IRX5: variants seen among roughly 807,000 people sequenced by gnomAD.
IRX5 encodes iroquois-class homeodomain protein IRX-5.
A neutral mutation model predicts 37.6 loss-of-function variants in IRX5; 8 were observed. The observed-to-expected ratio is 0.21, with a 90% CI of 0.12 to 0.38. The LOEUF is 0.38. Ranked by LOEUF, IRX5 falls within the 10% of genes least tolerant of loss-of-function variation. IRX5 has a pLI of 1.00. For synonymous variants in IRX5, 359 were observed against 328.6 expected (o/e 1.09, Z -1.00); for missense variants, 635 against 695.2 (o/e 0.91, Z 0.97).
At chr16:54,931,821 G>A (rs1204734177) in intron 1 of IRX5, among the ~76,000 whole-genome samples, 1 of 152,220 alleles carries the variant, frequency 6.6e-6, no homozygotes, top group African/African-American at 2.4e-5. Flanking sequence ...GAGCAGAAGC[G>A]TGCTAAGTCT....
Position 54,932,356 on chromosome 16 carries a change from G to A in IRX5, c.250-142G>A. 1 of 971,168 alleles carries A rather than the reference G, an allele frequency of 1.0e-6. No homozygotes were observed. The highest frequency in any genetic ancestry group is 2.8e-5 in the Admixed American group (1 of 35,658). 60.2% of individuals were successfully genotyped at this position (971,168 alleles called of 1,614,324 possible). ...GGAGTTGCTCCTAGGTCTGAACCCC[G>A]CCAGCCTTGCCCCGTAGGAAGCTGG... On this transcript the variant is annotated intron_variant, in intron 1 of 2. Transcript: ENST00000394636. The surrounding 1 kb of genome is among the most constrained non-coding windows in gnomAD (Gnocchi z 6.7).
Position 54,934,024 on chromosome 16 carries a change from A to ACTACCCCTCCTATTCAG in IRX5, c.*151_*152insCTACCCCTCCTATTCAG. ...TAGTTTATGGAGATGGATGACATAA[A>ACTACCCCTCCTATTCAG]AATGTAAACATCTCCACACAAAAAA... On this transcript the variant is annotated 3_prime_UTR_variant, in exon 3 of 3. Transcript: ENST00000394636. The ACTACCCCTCCTATTCAG allele has an allele frequency of 4.3e-6, 3 of 697,636 alleles. No homozygotes were observed. The highest frequency in any genetic ancestry group is 6.3e-6 in the Non-Finnish European group (3 of 472,518). 43.2% of individuals were successfully genotyped at this position (697,636 alleles called of 1,614,324 possible).
At position 54,933,224 on chromosome 16, in the gene IRX5, C is replaced by G; in HGVS notation, c.803C>G (p.Pro268Arg). 5.4e-6 allele frequency: 8 copies of G among 1,493,322 alleles called. No individual in the cohort carries two copies. Among genetic ancestry groups the G allele is most frequent in the Non-Finnish European group, 7.1e-6 (8 of 1,128,994 alleles). The allele number at this position is 1,493,322 out of a possible 1,614,324, so 92.5% of individuals were successfully genotyped here. ...EGRLDALQGP[P>R]RTGGPSPAGP... is the part of the protein sequence containing the mutation. ...CGCCTCGACGCGCTGCAGGGCCCCCCCCGCACCGGCGGGCCCTCCCCGGCT... is the reference window on the plus strand; with the variant it reads ...CGCCTCGACGCGCTGCAGGGCCCCCGCCGCACCGGCGGGCCCTCCCCGGCT... The change falls in exon 3 of 3, where the codon CCC (proline) becomes CGC (arginine). Residue 268 changes from proline to arginine, a missense_variant. Coordinates refer to ENST00000394636, the MANE Select transcript of IRX5 (RefSeq NM_005853.6).
chr16:54,932,484 C>T lies in IRX5; in HGVS notation c.250-14C>T, dbSNP rs750934548. The T allele has an allele frequency of 1.6e-5, 26 of 1,595,518 alleles. No individual in the cohort carries two copies. Among genetic ancestry groups the T allele is most frequent in the South Asian group, 2.3e-5 (2 of 88,332 alleles). ...ACCACGGTCCACACTCACCTCTCTG[C>T]GTCTCCACCGCAGGGCTCTCCCTAC... is the stretch of plus-strand genomic sequence containing the variant. On this transcript the variant is annotated splice_polypyrimidine_tract_variant and intron_variant, in intron 1 of 2. Coordinates refer to ENST00000394636, the MANE Select transcript of IRX5 (RefSeq NM_005853.6). The surrounding 1 kb of genome is among the most constrained non-coding windows in gnomAD (Gnocchi z 6.7).
Position 54,933,523 on chromosome 16 carries a change from G to A in IRX5, c.1102G>A (p.Gly368Arg). The change falls in exon 3 of 3, where the codon GGG (glycine) becomes AGG (arginine). Residue 368 changes from glycine (G) to arginine (R), a missense_variant. Gly to Arg is a moderately radical substitution (Grantham distance 125). Around this residue, in one of 5 missense-constraint regions of IRX5, gnomAD observed 188 missense variants for 200.8 expected, o/e 0.94. Coordinates refer to ENST00000394636, the MANE Select transcript of IRX5 (RefSeq NM_005853.6). ...CCCACCGTGTCCCGGGCCCATAGCC[G>A]GGCAAGCCCTAGGAGGCAGCCGGGC... ...PCPPCPGPIA[G>R]QALGGSRASP... The A allele has an allele frequency of 6.2e-7, 1 of 1,609,310 alleles. No individual in the cohort carries two copies. The highest frequency in any genetic ancestry group is 8.5e-7 in the Non-Finnish European group (1 of 1,178,050).
Position 54,932,106 on chromosome 16 carries a change from G to A in IRX5, c.250-392G>A. 1.4e-6 allele frequency: 1 copy of A among 702,778 alleles called. No individual in the cohort carries two copies. Among genetic ancestry groups the A allele is most frequent in the South Asian group, 1.5e-5 (1 of 67,598 alleles). The allele number at this position is 702,778 out of a possible 1,614,324, so 43.5% of individuals were successfully genotyped here. A position where few individuals can be genotyped will look rare whatever the true frequency, so the allele number is the denominator to read the frequency against. ...GACTTCCCTTGTTTTCCCCCCTTGC[G>A]CCCAACGTGCGTCCGCTCCCCCGCC... On this transcript the variant is annotated intron_variant, in intron 1 of 2. Transcript: ENST00000394636. The surrounding 1 kb of genome is among the most constrained non-coding windows in gnomAD (Gnocchi z 6.7).
chr16:54,933,770 C>G lies in IRX5; in HGVS notation c.1349C>G (p.Ala450Gly). The G allele has an allele frequency of 1.2e-6, 2 of 1,614,150 alleles. No homozygotes were observed. Among genetic ancestry groups the G allele is most frequent in the East Asian group, 4.5e-5 (2 of 44,866 alleles). The stretch of plus-strand genomic sequence containing the variant: ...TTAAACCAGACCGTGTTGAACCGAG[C>G]GGACGCTTTGGCTAAAGACCCGAAA... Reference protein sequence around the residue: ...NGLNQTVLNRADALAKDPKML... With the variant: ...NGLNQTVLNRGDALAKDPKML... Residue 450 changes from alanine to glycine, a missense_variant, in exon 3 of 3, where the codon GCG becomes GGG. By Grantham distance (60) the Ala-to-Gly change is moderately conservative. Around this residue, in one of 5 missense-constraint regions of IRX5, gnomAD observed 188 missense variants for 200.8 expected, o/e 0.94. Transcript: ENST00000394636.
Position 54,932,969 on chromosome 16 carries a change from C to A in IRX5, c.655+66C>A. On this transcript the variant is annotated intron_variant, in intron 2 of 2. Coordinates refer to ENST00000394636, the MANE Select transcript of IRX5 (RefSeq NM_005853.6). The surrounding 1 kb of genome is among the most constrained non-coding windows in gnomAD (Gnocchi z 6.7). ...AAGGAAAAGAGAGGCCTGGAGGGGG[C>A]GCGCACGGGGCCTGGAGGTTGGGGG... The A allele has an allele frequency of 6.3e-7, 1 of 1,583,892 alleles. No individual in the cohort carries two copies. The highest frequency in any genetic ancestry group is 8.6e-7 in the Non-Finnish European group (1 of 1,168,126).
Position 54,934,013 on chromosome 16 carries a change from G to A in IRX5, c.*140G>A. On this transcript the variant is annotated 3_prime_UTR_variant, in exon 3 of 3. Coordinates refer to ENST00000394636, the MANE Select transcript of IRX5 (RefSeq NM_005853.6). ...TCAGAAGTTTATAGTTTATGGAGAT[G>A]GATGACATAAAAATGTAAACATCTC... The A allele has an allele frequency of 3.8e-6, 3 of 793,868 alleles. No individual in the cohort carries two copies. Among genetic ancestry groups the A allele is most frequent in the South Asian group, 3.8e-5 (1 of 26,056 alleles). 49.2% of individuals were successfully genotyped at this position (793,868 alleles called of 1,614,324 possible).
Position 54,933,609 on chromosome 16 carries a change from G to T in IRX5, c.1188G>T (p.Thr396=). The change falls in exon 3 of 3, where the codon ACG becomes ACT. Residue 396 remains threonine (T), a synonymous_variant. Coordinates refer to ENST00000394636, the MANE Select transcript of IRX5 (RefSeq NM_005853.6). ...PSAQCPFPGG[T]VLSRPLYYTA... is the part of the protein sequence containing the mutation. The stretch of plus-strand genomic sequence containing the variant: ...CGCAGTGTCCTTTTCCAGGCGGGAC[G>T]GTGCTGTCCCGGCCTCTCTACTACA... The T allele has an allele frequency of 1.2e-6, 2 of 1,610,334 alleles. No homozygotes were observed. The highest frequency in any genetic ancestry group is 1.7e-6 in the Non-Finnish European group (2 of 1,177,802).
Position 54,933,598 on chromosome 16 carries a change from C to T in IRX5, c.1177C>T (p.Pro393Ser). ...CTCGCCCTCGGCGCAGTGTCCTTTT[C>T]CAGGCGGGACGGTGCTGTCCCGGCC... ...SRSPSAQCPFPGGTVLSRPLY... is the reference protein window; with the variant it reads ...SRSPSAQCPFSGGTVLSRPLY... The change falls in exon 3 of 3, where the codon CCA becomes TCA. Residue 393 changes from proline (P) to serine (S), a missense_variant. This residue lies in a region of IRX5 where 188 missense variants were observed against 200.8 expected (regional missense o/e 0.94). Coordinates refer to ENST00000394636, the MANE Select transcript of IRX5 (RefSeq NM_005853.6). 1 of 1,610,428 alleles carries T rather than the reference C, an allele frequency of 6.2e-7. No homozygotes were observed. Among genetic ancestry groups the T allele is most frequent in the Non-Finnish European group, 8.5e-7 (1 of 1,177,986 alleles).
Position 54,931,255 on chromosome 16 carries a change from G to A in IRX5, c.57G>A (p.Ser19=). The A allele has an allele frequency of 6.2e-7, 1 of 1,612,260 alleles. No homozygotes were observed. The highest frequency in any genetic ancestry group is 8.5e-7 in the Non-Finnish European group (1 of 1,179,470). ...YQPSASLALY[S]CPAYSTSVIS... ...CGTCCGCCTCGCTGGCGCTCTACTC[G>A]TGCCCGGCGTACAGCACCAGCGTCA... The change falls in exon 1 of 3, where the codon TCG becomes TCA. Residue 19 remains serine, a synonymous_variant. Transcript: ENST00000394636.
rs559165317 is a variant in IRX5 at position 54,931,364 on chromosome 16, G to A, written c.166G>A (p.Ala56Thr). 1.1e-4 allele frequency: 170 copies of A among 1,606,316 alleles called. 1 individual carries two copies. In the South Asian group the frequency reaches 1.8e-3, roughly 17 times the overall value. ...CTACGCTGGCTCGACTGCCTTCACG[G>A]CGCCCTCGCCGGGCTACAACTCGCA... ...SPYAGSTAFT[A>T]PSPGYNSHLQ... is the part of the protein sequence containing the mutation. The change falls in exon 1 of 3, where the codon GCG becomes ACG. Residue 56 changes from alanine to threonine, a missense_variant. By Grantham distance (58) the Ala-to-Thr change is moderately conservative. Around this residue, in one of 5 missense-constraint regions of IRX5, gnomAD observed 145 missense variants for 152.4 expected, o/e 0.95. Transcript: ENST00000394636.
Position 54,933,073 on chromosome 16 carries a change from G to T in IRX5, c.656-4G>T. 4 of 1,598,332 alleles carry T rather than the reference G, an allele frequency of 2.5e-6. No homozygotes were observed. The South Asian group carries it at 3.3e-5, about 13-fold the overall frequency. On this transcript the variant is annotated splice_region_variant and splice_polypyrimidine_tract_variant and intron_variant, in intron 2 of 2. Coordinates refer to ENST00000394636, the MANE Select transcript of IRX5 (RefSeq NM_005853.6). The stretch of plus-strand genomic sequence containing the variant: ...GCCCCTGACAGCCTGGGTTTCGCCC[G>T]CAGGAGGAGCTGAGCAGAAGGCGGC...
intron 1 of IRX5, 146 bp downstream of exon 1, chr16:54,931,593 C>G: frequency 2.6e-6 from 3 of 1,145,874 alleles, no homozygotes; most frequent in Non-Finnish European, 3.6e-6. Flanking sequence ...TTGTCTCCGC[C>G]AGCTTCGCCC....
In IRX5 at chr16:54,932,469, A is replaced by T. The variant is rs1176970173; in HGVS notation, c.250-29A>T. On this transcript the variant is annotated intron_variant, in intron 1 of 2. Transcript: ENST00000394636. The surrounding 1 kb of genome is among the most constrained non-coding windows in gnomAD (Gnocchi z 6.7). ...CCGATGGCAGTGGAGACCACGGTCC[A>T]CACTCACCTCTCTGCGTCTCCACCG... 1 of 1,584,528 alleles carries T rather than the reference A, an allele frequency of 6.3e-7. No homozygotes were observed. Among genetic ancestry groups the T allele is most frequent in the Admixed American group, 1.7e-5 (1 of 58,020 alleles).
At chr16:54,931,634 G>C (rs1305276937) in intron 1 of IRX5, among the ~76,000 whole-genome samples, 187 bp downstream of exon 1, 1 of 152,232 alleles carries the variant, frequency 6.6e-6, no homozygotes, top group East Asian at 1.9e-4. Flanking sequence ...GCTCGCAAAA[G>C]AGAGCCGCGT....
In IRX5 at chr16:54,933,187, C is replaced by A. The variant is rs1436044456; in HGVS notation, c.766C>A (p.Pro256Thr). 1.3e-6 allele frequency: 2 copies of A among 1,547,506 alleles called. No homozygotes were observed. Among genetic ancestry groups the A allele is most frequent in the East Asian group, 2.4e-5 (1 of 41,844 alleles). ...SLSDSDFKEP[P>T]SEGRLDALQG... ...CAGCGACTCGGATTTTAAGGAGCCGCCCTCGGAGGGCCGCCTCGACGCGCT... is the reference window on the plus strand; with the variant it reads ...CAGCGACTCGGATTTTAAGGAGCCGACCTCGGAGGGCCGCCTCGACGCGCT... The change falls in exon 3 of 3, where the codon CCC (proline) becomes ACC (threonine). Residue 256 changes from proline to threonine, a missense_variant. By Grantham distance (38) the Pro-to-Thr change is conservative. Transcript: ENST00000394636.
rs1487228906 is a variant in IRX5 at position 54,933,302 on chromosome 16, G to C, written c.881G>C (p.Gly294Ala). 2.8e-6 allele frequency: 4 copies of C among 1,405,218 alleles called. No homozygotes were observed. Among genetic ancestry groups the C allele is most frequent in the Non-Finnish European group, 3.7e-6 (4 of 1,086,742 alleles). The allele number at this position is 1,405,218 out of a possible 1,614,324, so 87.0% of individuals were successfully genotyped here. A position where few individuals can be genotyped will look rare whatever the true frequency, so the allele number is the denominator to read the frequency against. Residue 294 changes from glycine to alanine, a missense_variant, in exon 3 of 3, where the codon GGA (glycine) becomes GCA (alanine). Coordinates refer to ENST00000394636, the MANE Select transcript of IRX5 (RefSeq NM_005853.6). ...GACCCGGCCCCTCACTACCCCGCCG[G>C]AGCGCCGGCGCCCGGCCCGCATCCA... ...AEDPAPHYPA[G>A]APAPGPHPAA...
Sources: gnomAD v4.1 joint callset for allele counts (sites outside exome capture counted in the v4.1 genomes callset) on GRCh38, gnomAD v4.1.1 for gene constraint, gnomAD v4.1.1 regional missense constraint, Gnocchi (gnomAD v3.1) non-coding constraint, MANE v1.5 for transcripts, NCBI Gene and HGNC (gene_info 2026-07-23, HGNC 2026-07-21) for gene names.